Variants in NOL4 observed in about 807,000 individuals in gnomAD.
NOL4 encodes cancer/testis antigen 125.
In NOL4, 17 loss-of-function variants were observed where a neutral mutation model predicts 75.9. That is an observed-to-expected ratio of 0.22 (90% CI 0.15 to 0.34). The LOEUF (loss-of-function observed/expected upper bound fraction) is 0.34. Among genes scored for constraint, NOL4 ranks in the 10% least tolerant of loss-of-function variants. The pLI, the probability that NOL4 is intolerant of heterozygous loss-of-function variation, is 1.00. For missense variants in NOL4, 614 were observed against 793.5 expected, an observed-to-expected ratio of 0.77 and a Z score of 2.72; for synonymous variants, 292 against 289.9, an observed-to-expected ratio of 1.01 and a Z score of -0.07.
At chr18:34,066,350 C>A (rs1158107980) in intron 5 of NOL4, among the ~76,000 whole-genome samples, 7 of 151,860 alleles carry the variant, frequency 4.6e-5, no homozygotes, top group Non-Finnish European at 8.8e-5. Flanking sequence ...TTTCTTATGT[C>A]CATTCTTAAA....
chr18:34,162,413 C>T (rs1046171769), intron 1 of NOL4, among the ~76,000 whole-genome samples: 10 of 152,162 alleles, frequency 6.6e-5, no homozygotes, highest in Non-Finnish European at 1.3e-4. Context: ...GATATCACTA[C>T]CAATCCCACA....
intron 9 of NOL4, among the ~76,000 whole-genome samples, chr18:33,940,185 A>C (rs1706987188): frequency 6.6e-6 from 1 of 152,094 alleles, no homozygotes; most frequent in Non-Finnish European, 1.5e-5. Flanking sequence ...CATTTGACCC[A>C]GCAATCCCAT....
intron 1 of NOL4, among the ~76,000 whole-genome samples, chr18:34,163,441 C>A (rs993875581): frequency 6.6e-6 from 1 of 151,832 alleles, no homozygotes; most frequent in Non-Finnish European, 1.5e-5. Flanking sequence ...TTCTTATACA[C>A]CAACAACAGA....
At chr18:34,219,600 T>A (rs746458866) in intron 1 of NOL4, among the ~76,000 whole-genome samples, 5 of 152,250 alleles carry the variant, frequency 3.3e-5, no homozygotes, top group African/African-American at 4.8e-5. Context: ...CATAGTTAAG[T>A]GAATTTAAAA....
intron 9 of NOL4, among the ~76,000 whole-genome samples, chr18:33,887,793 C>A (rs377170289): frequency 6.6e-6 from 1 of 152,060 alleles, no homozygotes; most frequent in African/African-American, 2.4e-5. Flanking sequence ...TGTATATGTG[C>A]CACATTTTCT....
intron 1 of NOL4, among the ~76,000 whole-genome samples, chr18:34,133,792 G>C (rs1395550703): frequency 6.6e-6 from 1 of 152,138 alleles, no homozygotes; most frequent in Non-Finnish European, 1.5e-5. Context: ...GGGAGGCTAA[G>C]GAAGGCAGAT....
Position 34,026,527 on chromosome 18 carries a change from T to A in NOL4, c.773-6926A>T, listed in dbSNP as rs1600300499. ...AACCCCTGCTTGGCTTTTTAGCTCT[T>A]CAAACACCACTGTAAATAGTGCCTA... On this transcript the variant is annotated intron_variant, in intron 5 of 10. Transcript: ENST00000261592. 2.0e-5 allele frequency among the ~76,000 whole-genome samples: 3 copies of A among 152,282 alleles called. No individual in the cohort carries two copies. The East Asian group carries it at 5.8e-4, about 29-fold the overall frequency.
intron 1 of NOL4, chr18:34,156,567 G>A (rs1170789035): frequency 6.6e-6 from 1 of 152,142 alleles, no homozygotes; most frequent in Non-Finnish European, 1.5e-5. Flanking sequence ...ATATGGCATG[G>A]AGTGCTCTAA....
chr18:33,934,797 T>C (rs887386138), intron 9 of NOL4, among the ~76,000 whole-genome samples: 2 of 152,046 alleles, frequency 1.3e-5, no homozygotes, highest in Admixed American at 1.3e-4. Flanking sequence ...CCATGAAAAC[T>C]TTCTCCATAA....
chr18:33,960,627 TATTATGCATCAGG>T (rs1350863369), intron 6 of NOL4, among the ~76,000 whole-genome samples: 2 of 152,150 alleles, frequency 1.3e-5, no homozygotes, highest in African/African-American at 4.8e-5. Context: ...TATGGGCAGC[TATTATGCATCAGG>T]CACTATTCTA....
intron 5 of NOL4, among the ~76,000 whole-genome samples, chr18:34,026,570 T>C (rs1461919497): frequency 6.6e-6 from 1 of 152,186 alleles, no homozygotes; most frequent in Non-Finnish European, 1.5e-5. Context: ...ATTTTCCTAA[T>C]GGATGTCATG....
At chr18:34,139,519 T>G (rs550338485) in intron 1 of NOL4, among the ~76,000 whole-genome samples, 34 of 152,330 alleles carry the variant, frequency 2.2e-4, no homozygotes, top group Non-Finnish European at 1.0e-4. Flanking sequence ...GGATCAGTGG[T>G]GATCTCCCCT....
In NOL4 at chr18:33,933,933, T is replaced by C. The variant is rs1599921445; in HGVS notation, c.1542+9132A>G. ...AAGGTTTTCAATTTCCTTTTCCTAATCCATCAGAGGAATCACTAGCGATGG... is the reference window on the plus strand; with the variant it reads ...AAGGTTTTCAATTTCCTTTTCCTAACCCATCAGAGGAATCACTAGCGATGG... On this transcript the variant is annotated intron_variant, in intron 9 of 10. Coordinates refer to ENST00000261592, the MANE Select transcript of NOL4 (RefSeq NM_003787.5). Among the ~76,000 whole-genome samples, 8 of 152,216 alleles carry C rather than the reference T, an allele frequency of 5.3e-5. No individual in the cohort carries two copies. The South Asian group carries it at 1.7e-3, about 32-fold the overall frequency.
At chr18:34,078,612 T>C (rs557197363) in intron 5 of NOL4, among the ~76,000 whole-genome samples, 1 of 152,344 alleles carries the variant, frequency 6.6e-6, no homozygotes, top group East Asian at 1.9e-4. Context: ...ATGTTCAAGA[T>C]AACTTATTGG....
chr18:34,121,272 C>T (rs767924880), intron 2 of NOL4: 3 of 152,054 alleles, frequency 2.0e-5, no homozygotes, highest in East Asian at 3.9e-4. Flanking sequence ...TTGATTTTTC[C>T]TGAAGAGTAT....
At chr18:34,109,977 T>C (rs2079505989) in intron 2 of NOL4, among the ~76,000 whole-genome samples, 4 of 151,224 alleles carry the variant, frequency 2.6e-5, no homozygotes, top group Admixed American at 2.6e-4. Flanking sequence ...TATGCACAGA[T>C]CGATAGTGAG....
At chr18:33,857,257 TG>T (rs1346181392) in intron 10 of NOL4, among the ~76,000 whole-genome samples, 1 of 152,016 alleles carries the variant, frequency 6.6e-6, no homozygotes, top group Non-Finnish European at 1.5e-5. Flanking sequence ...ACTAAAATAT[TG>T]CTGAGTCTGT....
At chr18:34,134,982 ACTTAT>A (rs1439118590) in intron 1 of NOL4, among the ~76,000 whole-genome samples, 1 of 152,162 alleles carries the variant, frequency 6.6e-6, no homozygotes, top group Non-Finnish European at 1.5e-5. Flanking sequence ...TTCAAATCAG[ACTTAT>A]CTTTTCACCT....
chr18:34,011,476 T>A (rs1026097057), intron 6 of NOL4, among the ~76,000 whole-genome samples: 14 of 151,754 alleles, frequency 9.2e-5, no homozygotes, highest in African/African-American at 2.7e-4. Flanking sequence ...TTGAGACATA[T>A]ATAAATCACT....
Sources: gnomAD v4.1 joint callset for allele counts (sites outside exome capture counted in the v4.1 genomes callset) on GRCh38, gnomAD v4.1.1 for gene constraint, MANE v1.5 for transcripts, NCBI Gene and HGNC (gene_info 2026-07-23, HGNC 2026-07-21) for gene names.